Variants in SDHA observed in about 807,000 individuals in gnomAD.
SDHA encodes the protein succinate dehydrogenase complex flavoprotein subunit A.
A neutral mutation model predicts 78.4 loss-of-function variants in SDHA; 48 were observed. The observed-to-expected ratio is 0.61, with a 90% CI of 0.49 to 0.78. The LOEUF (loss-of-function observed/expected upper bound fraction) is 0.78. Ranked by LOEUF, SDHA falls within the 30% of genes least tolerant of loss-of-function variation. SDHA has a pLI of 0.00. For missense variants in SDHA, 680 were observed against 892.7 expected (o/e 0.76, Z 3.04); for synonymous variants, 326 against 353.9 (o/e 0.92, Z 0.88).
At chr5:249,068 T>C in intron 11 of SDHA, 1 of 423,976 alleles carries the variant, frequency 2.4e-6, no homozygotes, top group Non-Finnish European at 4.6e-6. Context: ...AAAGAACAGA[T>C]ATTTGAAGCA....
At position 225,558 on chromosome 5, in the gene SDHA, T is replaced by A. The variant is rs1407021164; in HGVS notation, c.452T>A (p.Val151Asp). The change falls in exon 4 of 15, where the codon GTC becomes GAC. Residue 151 changes from valine to aspartate, a missense_variant. Coordinates refer to ENST00000264932, the MANE Select transcript of SDHA (RefSeq NM_004168.4). The part of the protein sequence containing the change: ...YMTEQAPAAV[V>D]ELENYGMPFS... ...ACGGAGCAGGCCCCCGCCGCCGTGGTCGAGGTGATGGGCGGGAGGCTCTGG... is the reference window on the plus strand; with the variant it reads ...ACGGAGCAGGCCCCCGCCGCCGTGGACGAGGTGATGGGCGGGAGGCTCTGG... 1 of 1,613,746 alleles carries A rather than the reference T, an allele frequency of 6.2e-7. No homozygotes were observed. The highest frequency in any genetic ancestry group is 1.1e-5 in the South Asian group (1 of 91,040).
At chr5:254,618 A>C in intron 14 of SDHA, 112 bp downstream of exon 14, 1 of 1,447,232 alleles carries the variant, frequency 6.9e-7, no homozygotes, top group Non-Finnish European at 9.3e-7. Context: ...ATTTAAATCA[A>C]CTCCCGACAG....
chr5:236,689 G>C (rs1735811001), intron 10 of SDHA, 90 bp downstream of exon 10: 1 of 1,338,468 alleles, frequency 7.5e-7, no homozygotes, highest in Non-Finnish European at 1.1e-6. Flanking sequence ...GGTCAGCCCA[G>C]GCTGGAGTGC....
In SDHA at chr5:240,386, C is replaced by T. The variant is rs187540602; in HGVS notation, c.1461C>T (p.Asn487=). ...ATAAAGTCCCTCCAATTAAACCAAACGCTGGGGAAGAATCTGTCATGAATC... is the reference window on the plus strand; with the variant it reads ...ATAAAGTCCCTCCAATTAAACCAAATGCTGGGGAAGAATCTGTCATGAATC... ...PGDKVPPIKP[N]AGEESVMNLD... Residue 487 remains asparagine, a synonymous_variant, in exon 11 of 15, where the codon AAC becomes AAT. Coordinates refer to ENST00000264932, the MANE Select transcript of SDHA (RefSeq NM_004168.4). 1.7e-5 allele frequency: 28 copies of T among 1,608,336 alleles called. No individual in the cohort carries two copies. Among genetic ancestry groups the T allele is most frequent in the East Asian group, 8.9e-5 (4 of 44,860 alleles).
intron 11 of SDHA, among the ~76,000 whole-genome samples, chr5:242,483 G>C (rs761787135): frequency 2.6e-5 from 4 of 152,204 alleles, no homozygotes; most frequent in African/African-American, 4.8e-5. Context: ...TAAATCTTAT[G>C]ACTGGCTTGC....
chr5:223,634 A>G, intron 2 of SDHA, 66 bp downstream of exon 2: 1 of 1,242,514 alleles, frequency 8.0e-7, no homozygotes, highest in Non-Finnish European at 1.2e-6. Context: ...GATCTATACC[A>G]GTTTGTTTTC....
intron 6 of SDHA, among the ~76,000 whole-genome samples, 169 bp downstream of exon 6, chr5:228,502 A>G (rs1735191613): frequency 6.6e-6 from 1 of 152,304 alleles, no homozygotes; most frequent in South Asian, 2.1e-4. Flanking sequence ...CCTCACCTGT[A>G]AAGGGTGAGG....
intron 9 of SDHA, chr5:235,872 A>G (rs1415159021): frequency 4.0e-6 from 1 of 251,802 alleles, no homozygotes; most frequent in East Asian, 1.0e-4. Context: ...CACGGGGGAC[A>G]GTCGCAGATG....
chr5:219,206 G>C (rs151053826), intron 1 of SDHA, among the ~76,000 whole-genome samples: 1 of 152,114 alleles, frequency 6.6e-6, no homozygotes, highest in Non-Finnish European at 1.5e-5. Context: ...TGTGCGCTGA[G>C]TGCCTCTAGG....
At chr5:251,532 C>T (rs1736833730) in intron 13 of SDHA, 64 bp downstream of exon 13, 1 of 1,611,634 alleles carries the variant, frequency 6.2e-7, no homozygotes, top group African/African-American at 1.3e-5. Context: ...GACTCAGCCC[C>T]ACCCCTGCAT....
downstream of SDHA, among the ~76,000 whole-genome samples, chr5:259,794 G>C (rs1181859272): frequency 1.7e-4 from 5 of 29,356 alleles, no homozygotes; most frequent in South Asian, 1.6e-3. Context: ...CCTCCCGCCA[G>C]AGCATTACCG....
At chr5:258,502 G>A (rs1161784326), downstream of SDHA, among the ~76,000 whole-genome samples, 1 of 124,586 alleles carries the variant, frequency 8.0e-6, no homozygotes, top group Non-Finnish European at 1.6e-5. Context: ...GCATTACCGT[G>A]TGAGCTCCGC....
intron 1 of SDHA, 97 bp downstream of exon 1, chr5:218,515 G>C (rs945117099): frequency 2.1e-6 from 2 of 946,216 alleles, no homozygotes; most frequent in African/African-American, 3.5e-5. Context: ...GCGGGCGCCG[G>C]GTCCCTGCGC....
intron 4 of SDHA, 58 bp downstream of exon 4, chr5:225,620 T>G (rs1447745437): frequency 1.2e-6 from 2 of 1,611,166 alleles, no homozygotes; most frequent in East Asian, 4.5e-5. Flanking sequence ...AAAAGAATCC[T>G]GGAAAAAAAT....
At chr5:262,222 GA>G in the SDHA span, among the ~76,000 whole-genome samples, 3 of 52,310 alleles carry the variant, frequency 5.7e-5, no homozygotes, top group Non-Finnish European at 8.4e-5. Context: ...TCCGCCTCCC[GA>G]CAGAGCATTA....
chr5:259,090 G>C (rs377654002), downstream of SDHA, among the ~76,000 whole-genome samples: 17 of 36,506 alleles, frequency 4.7e-4, no homozygotes, highest in South Asian at 2.1e-3. Context: ...CCTCCCGTCA[G>C]AGCATTACCG....
At chr5:265,477 T>C in the SDHA span, among the ~76,000 whole-genome samples, 2 of 152,146 alleles carry the variant, frequency 1.3e-5, no homozygotes, top group Non-Finnish European at 2.9e-5. Context: ...CTCCTAACAC[T>C]GGGAGTGGAC....
At chr5:221,060 G>T (rs1037989414) in intron 1 of SDHA, among the ~76,000 whole-genome samples, 1 of 151,990 alleles carries the variant, frequency 6.6e-6, no homozygotes, top group African/African-American at 2.4e-5. Context: ...TGATCCGCCC[G>T]CCTCGGTCTC....
chr5:218,366 T>C lies in SDHA; in HGVS notation c.11T>C (p.Val4Ala). 1.4e-6 allele frequency: 2 copies of C among 1,456,840 alleles called. No individual in the cohort carries two copies. The highest frequency in any genetic ancestry group is 1.8e-6 in the Non-Finnish European group (2 of 1,113,260). 90.2% of individuals were successfully genotyped at this position (1,456,840 alleles called of 1,614,324 possible). Reference protein sequence around the residue: MSGVRGLSRLLSAR... With the variant: MSGARGLSRLLSAR... ...GCGGCAACAGCAGACATGTCGGGGG[T>C]CCGGGGCCTGTCGCGGCTGCTGAGC... The change falls in exon 1 of 15, where the codon GTC (valine) becomes GCC (alanine). Residue 4 changes from valine to alanine, a missense_variant. Coordinates refer to ENST00000264932, the MANE Select transcript of SDHA (RefSeq NM_004168.4).
Sources: gnomAD v4.1 joint callset for allele counts (sites outside exome capture counted in the v4.1 genomes callset) on GRCh38, gnomAD v4.1.1 for gene constraint, MANE v1.5 for transcripts, NCBI Gene and HGNC (gene_info 2026-07-23, HGNC 2026-07-21) for gene names.